Variants in NYAP2 observed in about 807,000 individuals in gnomAD.
NYAP2 encodes the protein neuronal tyrosine-phosphorylated phosphoinositide-3-kinase adapter 2.
A neutral mutation model predicts 50.4 loss-of-function variants in NYAP2; 23 were observed. The observed-to-expected ratio is 0.46, with a 90% CI of 0.33 to 0.65. NYAP2 has a LOEUF of 0.65. NYAP2 is among the 30% of genes least tolerant of loss of function. NYAP2 has a pLI of 0.02. For missense variants in NYAP2, 885 were observed against 861.0 expected (o/e 1.03, Z -0.35); for synonymous variants, 394 against 365.2 (o/e 1.08, Z -0.90).
chr2:225,554,480 A>G (rs1032422130), intron 4 of NYAP2, among the ~76,000 whole-genome samples: 1 of 151,740 alleles, frequency 6.6e-6, no homozygotes, highest in Non-Finnish European at 1.5e-5. Context: ...ACTACCACAC[A>G]TGGCTAATTT....
intron 5 of NYAP2, among the ~76,000 whole-genome samples, chr2:225,612,996 CAA>C (rs1692926685): frequency 6.6e-6 from 1 of 152,126 alleles, no homozygotes; most frequent in Admixed American, 6.5e-5. Context: ...GTGTATTAGT[CAA>C]GTTTCTCCAG....
chr2:225,442,376 G>T (rs1054420747), intron 3 of NYAP2, among the ~76,000 whole-genome samples: 2 of 152,144 alleles, frequency 1.3e-5, no homozygotes, highest in Admixed American at 1.3e-4. Context: ...ACCAAACAGT[G>T]AAGGCAAATC....
chr2:225,403,003 C>G (rs548912667), intron 2 of NYAP2, among the ~76,000 whole-genome samples: 8 of 151,974 alleles, frequency 5.3e-5, no homozygotes, highest in East Asian at 1.9e-4. Flanking sequence ...GTATCAGAAG[C>G]CTGATTATTT....
chr2:225,510,779 TTGTGTGTG>T (rs146231874), intron 3 of NYAP2, among the ~76,000 whole-genome samples: 1 of 148,390 alleles, frequency 6.7e-6, no homozygotes, highest in Non-Finnish European at 1.5e-5. Flanking sequence ...GTTAATGTGT[TTGTGTGTG>T]TGTGTGTGTG....
At chr2:225,646,925 T>C (rs2106269800) in intron 6 of NYAP2, among the ~76,000 whole-genome samples, 1 of 152,182 alleles carries the variant, frequency 6.6e-6, no homozygotes, top group South Asian at 2.1e-4. Context: ...TTTGCTTGGA[T>C]TTTGGTGAGG....
rs11297489 is a variant in NYAP2 at position 225,577,019 on chromosome 2, C to CT, written c.524-4910dup. The stretch of plus-strand genomic sequence containing the variant: ...TACTAAAGCATGGTTTTACATTACA[C>CT]TTTTTTTTTTTTAAATAAGGAAAAA... On this transcript the variant is annotated intron_variant, in intron 4 of 6. Coordinates refer to ENST00000636099, the Ensembl canonical transcript of NYAP2. Among the ~76,000 whole-genome samples the CT allele has an allele frequency of 2.3e-4, 34 of 150,112 alleles. No homozygotes were observed. In the South Asian group the frequency reaches 5.7e-3, roughly 25 times the overall value.
chr2:225,621,112 C>CA lies in NYAP2; in HGVS notation c.1619-5784dup, dbSNP rs35570419. On this transcript the variant is annotated intron_variant, in intron 5 of 6. Coordinates refer to ENST00000636099, the Ensembl canonical transcript of NYAP2. ...CTGGGCGACCAGCGAGACTCCGTCT[C>CA]AAAAAAAAAAAAAAAAAAAAATCTA... Among the ~76,000 whole-genome samples the CA allele has an allele frequency of 4.5e-3, 445 of 98,378 alleles. 5 individuals carry two copies. The highest frequency in any genetic ancestry group is 0.011 in the South Asian group (29 of 2,590). The allele number at this position is 98,378 out of a possible 152,430, so 64.5% of individuals were successfully genotyped here. A position where few individuals can be genotyped will look rare whatever the true frequency, so the allele number is the denominator to read the frequency against.
At chr2:225,533,490 T>C (rs1414856966) in intron 4 of NYAP2, among the ~76,000 whole-genome samples, 2 of 152,074 alleles carry the variant, frequency 1.3e-5, no homozygotes, top group South Asian at 2.1e-4. Context: ...AGTTTGAAAC[T>C]AGCCTAAGCA....
intron 3 of NYAP2, among the ~76,000 whole-genome samples, chr2:225,443,040 T>C (rs546841128): frequency 1.3e-5 from 2 of 152,258 alleles, no homozygotes; most frequent in East Asian, 3.9e-4. Context: ...ATGAGACTTA[T>C]TCACTATCAT....
At chr2:225,487,774 A>G (rs1690330054) in intron 3 of NYAP2, among the ~76,000 whole-genome samples, 1 of 152,236 alleles carries the variant, frequency 6.6e-6, no homozygotes, top group African/African-American at 2.4e-5. Flanking sequence ...TCATAGATAT[A>G]TAGATATATT....
chr2:225,517,069 CAAAAA>C (rs149809493), intron 4 of NYAP2, among the ~76,000 whole-genome samples: 1 of 149,484 alleles, frequency 6.7e-6, no homozygotes, highest in East Asian at 2.0e-4. Flanking sequence ...TGAGCACAAA[CAAAAA>C]AAAATCACAT....
the NYAP2 span, among the ~76,000 whole-genome samples, chr2:225,692,843 T>G: frequency 6.6e-6 from 1 of 151,726 alleles, no homozygotes; most frequent in Non-Finnish European, 1.5e-5. Context: ...TTGAAAAGAA[T>G]ATAGTCTCTT....
intron 4 of NYAP2, among the ~76,000 whole-genome samples, chr2:225,554,121 A>C (rs897393900): frequency 6.6e-6 from 1 of 152,130 alleles, no homozygotes; most frequent in African/African-American, 2.4e-5. Flanking sequence ...ATCCTTTTAC[A>C]TACCAGTATT....
At chr2:225,665,519 TGAA>T in the NYAP2 span, among the ~76,000 whole-genome samples, 2 of 150,858 alleles carry the variant, frequency 1.3e-5, no homozygotes, top group Non-Finnish European at 2.9e-5. Context: ...ATGAGCTGCG[TGAA>T]GATTTGCTAA....
chr2:225,422,090 G>T (rs183552929), intron 3 of NYAP2, among the ~76,000 whole-genome samples: 1 of 150,352 alleles, frequency 6.7e-6, no homozygotes, highest in Non-Finnish European at 1.5e-5. Flanking sequence ...TTTATTTTGT[G>T]TTTGTTCTGT....
intron 6 of NYAP2, among the ~76,000 whole-genome samples, chr2:225,633,581 T>A (rs1693357196): frequency 6.6e-6 from 1 of 152,212 alleles, no homozygotes; most frequent in African/African-American, 2.4e-5. Context: ...AAGTTCTATA[T>A]TCCCACATTT....
At chr2:225,558,991 A>G (rs1020876262) in intron 4 of NYAP2, among the ~76,000 whole-genome samples, 3 of 151,826 alleles carry the variant, frequency 2.0e-5, no homozygotes, top group Non-Finnish European at 4.4e-5. Context: ...AGTTTTAGTC[A>G]CTCCTTGAGG....
At chr2:225,591,909 G>A (rs1692513340) in intron 5 of NYAP2, among the ~76,000 whole-genome samples, 1 of 152,100 alleles carries the variant, frequency 6.6e-6, no homozygotes, top group Non-Finnish European at 1.5e-5. Context: ...GGAAGGGGGT[G>A]GGAAATCTTT....
At chr2:225,668,935 T>G in the NYAP2 span, among the ~76,000 whole-genome samples, 3 of 141,764 alleles carry the variant, frequency 2.1e-5, no homozygotes, top group East Asian at 2.2e-4. Context: ...AAAAAAATTG[T>G]GTCCTAATTG....
Sources: allele counts gnomAD v4.1 joint callset (sites outside exome capture counted in the v4.1 genomes callset), GRCh38; gene constraint gnomAD v4.1.1; transcripts MANE v1.5; gene names NCBI Gene and HGNC (gene_info 2026-07-23, HGNC 2026-07-21).